The following HIVEP2 variants were observed in gnomAD, a reference collection of about 807,000 sequenced individuals.
HIVEP2 encodes transcription factor HIVEP2.
In HIVEP2, 14 loss-of-function variants were observed where a neutral mutation model predicts 180.7. The observed-to-expected ratio is 0.08, with a 90% CI of 0.05 to 0.12. The LOEUF is 0.12. HIVEP2 is among the 10% of genes least tolerant of loss of function. The pLI is 1.00. For synonymous variants in HIVEP2, 1,184 were observed against 1,136.4 expected (o/e 1.04, Z -0.84); for missense variants, 2,579 against 3,008.5 (o/e 0.86, Z 3.34).
rs145581453 is a variant in HIVEP2, at chr6:142,838,850, G to A, written c.-640-1803C>T. 1.5e-4 allele frequency among the ~76,000 whole-genome samples: 23 copies of A among 152,092 alleles called. No individual in the cohort carries two copies. In the East Asian group the frequency reaches 1.9e-3, roughly 13 times the overall value. ...TCTAAAATTATGTAATTCTTGCCTC[G>A]TAAGAGGTCTTCCATTTCCTAAGAC... is the stretch of plus-strand genomic sequence containing the variant. On this transcript the variant is annotated intron_variant, in intron 1 of 9. Coordinates refer to ENST00000367603, the MANE Select transcript of HIVEP2 (RefSeq NM_006734.4).
At chr6:142,801,806 C>A (rs1776418156) in intron 2 of HIVEP2, among the ~76,000 whole-genome samples, 1 of 152,168 alleles carries the variant, frequency 6.6e-6, no homozygotes, top group Non-Finnish European at 1.5e-5. Flanking sequence ...CCTTCTCAAT[C>A]ACAGTTTTAT....
Position 142,773,139 on chromosome 6 carries a change from G to A in HIVEP2, c.1600C>T (p.Pro534Ser), listed in dbSNP as rs1775598573. ...QGSNPVLLEAPVDSSPLIRSN... is the reference protein window; with the variant it reads ...QGSNPVLLEASVDSSPLIRSN... Reference sequence around the variant, plus strand: ...CTAATAAGGGGTGAAGAGTCTACAGGAGCTTCTAAGAGAACCGGGTTGCTG... The same window carrying A: ...CTAATAAGGGGTGAAGAGTCTACAGAAGCTTCTAAGAGAACCGGGTTGCTG... Residue 534 changes from proline to serine, a missense_variant, in exon 5 of 10, where the codon CCT (proline) becomes TCT (serine). Around this residue, in one of 11 missense-constraint regions of HIVEP2, gnomAD observed 524 missense variants for 563.6 expected, o/e 0.93. Coordinates refer to ENST00000367603, the MANE Select transcript of HIVEP2 (RefSeq NM_006734.4). The A allele has an allele frequency of 6.2e-7, 1 of 1,614,200 alleles. No homozygotes were observed. Among genetic ancestry groups the A allele is most frequent in the Non-Finnish European group, 8.5e-7 (1 of 1,180,028 alleles).
intron 1 of HIVEP2, among the ~76,000 whole-genome samples, chr6:142,854,170 G>A (rs1309876636): frequency 1.3e-5 from 2 of 152,134 alleles, no homozygotes; most frequent in African/African-American, 2.4e-5. Flanking sequence ...CTCAATTAGG[G>A]TGATTCTGCC....
intron 1 of HIVEP2, among the ~76,000 whole-genome samples, chr6:142,884,811 G>A (rs1242457152): frequency 6.6e-6 from 1 of 152,140 alleles, no homozygotes; most frequent in Non-Finnish European, 1.5e-5. Context: ...TCACACGTGT[G>A]TAAGAAAGAG....
At chr6:142,937,118 C>T (rs909671763) in intron 1 of HIVEP2, among the ~76,000 whole-genome samples, 3 of 152,116 alleles carry the variant, frequency 2.0e-5, no homozygotes, top group African/African-American at 7.2e-5. Context: ...CCACAAAGAA[C>T]CAGAGAATTT....
chr6:142,843,432 G>T (rs1248026894), intron 1 of HIVEP2, among the ~76,000 whole-genome samples: 1 of 152,234 alleles, frequency 6.6e-6, no homozygotes, highest in Non-Finnish European at 1.5e-5. Flanking sequence ...GTTGAGAACA[G>T]GAAGAGTTCT....
At chr6:142,793,539 A>G (rs950720218) in intron 2 of HIVEP2, among the ~76,000 whole-genome samples, 5 of 152,148 alleles carry the variant, frequency 3.3e-5, no homozygotes, top group African/African-American at 1.2e-4. Context: ...TAGTATATTT[A>G]GCAATTAAAA....
intron 2 of HIVEP2, among the ~76,000 whole-genome samples, chr6:142,834,748 T>G (rs1775181696): frequency 6.6e-6 from 1 of 152,156 alleles, no homozygotes; most frequent in South Asian, 2.1e-4. Context: ...CTTTCTTACT[T>G]TGCAAACTGT....
At chr6:142,893,247 T>C (rs1199362235) in intron 1 of HIVEP2, among the ~76,000 whole-genome samples, 5 of 152,182 alleles carry the variant, frequency 3.3e-5, no homozygotes, top group Admixed American at 1.3e-4. Flanking sequence ...AGTATCTACA[T>C]GATCAGGTTG....
At chr6:142,911,554 C>T (rs549330595) in intron 1 of HIVEP2, among the ~76,000 whole-genome samples, 3 of 152,286 alleles carry the variant, frequency 2.0e-5, no homozygotes, top group East Asian at 1.9e-4. Flanking sequence ...GATTTACAGA[C>T]GAGGAGACTA....
chr6:142,913,412 C>A (rs1209004514), intron 1 of HIVEP2, among the ~76,000 whole-genome samples: 2 of 152,126 alleles, frequency 1.3e-5, no homozygotes, highest in Admixed American at 1.3e-4. Context: ...ACTGGCTGTC[C>A]CCATGAAGAC....
chr6:142,893,201 T>C (rs1184068154), intron 1 of HIVEP2, among the ~76,000 whole-genome samples: 1 of 152,118 alleles, frequency 6.6e-6, no homozygotes, highest in East Asian at 1.9e-4. Context: ...TTGGGCAAGG[T>C]GGATACACTC....
intron 2 of HIVEP2, among the ~76,000 whole-genome samples, chr6:142,836,024 G>C (rs963712844): frequency 1.3e-5 from 2 of 152,100 alleles, no homozygotes; most frequent in African/African-American, 4.8e-5. Flanking sequence ...TCAGTCATCA[G>C]GTTTTAAAAT....
chr6:142,774,070 A>G lies in HIVEP2; in HGVS notation c.669T>C (p.Gly223=). 2 of 1,614,170 alleles carry G rather than the reference A, an allele frequency of 1.2e-6. No homozygotes were observed. Among genetic ancestry groups the G allele is most frequent in the Non-Finnish European group, 1.7e-6 (2 of 1,180,038 alleles). ...AATTGCTCTTTGTCTTGAAAGAGAA[A>G]CCACAAGGTATACATGGATATGGCC... ...GERPYPCIPC[G]FSFKTKSNLY... is the part of the protein sequence containing the mutation. Residue 223 remains glycine, a synonymous_variant, in exon 5 of 10, where the codon GGT becomes GGC. Transcript: ENST00000367603. This position sits in a 1 kb window ranked among gnomAD's most constrained non-coding sequence, Gnocchi z 5.1.
chr6:142,824,639 C>G (rs747897167), intron 2 of HIVEP2, among the ~76,000 whole-genome samples: 1 of 152,218 alleles, frequency 6.6e-6, no homozygotes, highest in Non-Finnish European at 1.5e-5. Context: ...TTCCACTCTT[C>G]TTCAGAATCT....
At chr6:142,827,118 T>C (rs1582894066) in intron 2 of HIVEP2, among the ~76,000 whole-genome samples, 2 of 152,218 alleles carry the variant, frequency 1.3e-5, no homozygotes, top group African/African-American at 4.8e-5. Flanking sequence ...TGTTAAATTA[T>C]AGGATGGTTT....
intron 1 of HIVEP2, among the ~76,000 whole-genome samples, chr6:142,938,152 C>T (rs1337966958): frequency 1.3e-5 from 2 of 152,180 alleles, no homozygotes; most frequent in Admixed American, 6.5e-5. Context: ...GCTTCGATGA[C>T]TTGTTTCCAA....
rs1362691624 is a variant in HIVEP2 at position 142,774,926 on chromosome 6, GT to G, written c.-189del. 7 of 1,448,180 alleles carry G rather than the reference GT, an allele frequency of 4.8e-6. No homozygotes were observed. The highest frequency in any genetic ancestry group is 5.4e-6 in the Non-Finnish European group (6 of 1,106,910). The allele number at this position is 1,448,180 out of a possible 1,614,324, so 89.7% of individuals were successfully genotyped here. The stretch of plus-strand genomic sequence containing the variant: ...CAGTCGATGGGCATTAGCTAGTAAT[GT>G]CCTTGGACCAGGGCTATAACACAGT... On this transcript the variant is annotated 5_prime_UTR_variant, in exon 5 of 10. Transcript: ENST00000367603. The surrounding 1 kb of genome is among the most constrained non-coding windows in gnomAD (Gnocchi z 5.1).
At chr6:142,778,750 A>C (rs1775767437) in intron 3 of HIVEP2, among the ~76,000 whole-genome samples, 1 of 152,196 alleles carries the variant, frequency 6.6e-6, no homozygotes, top group Admixed American at 6.5e-5. Context: ...ATCAAAATTC[A>C]GATCTAAATT....
Sources: allele counts gnomAD v4.1 joint callset (sites outside exome capture counted in the v4.1 genomes callset), GRCh38; gene constraint gnomAD v4.1.1; regional missense constraint gnomAD v4.1.1; non-coding constraint Gnocchi (gnomAD v3.1); transcripts MANE v1.5; gene names NCBI Gene and HGNC (gene_info 2026-07-23, HGNC 2026-07-21).